KIRREL3: variants seen among roughly 807,000 people sequenced by gnomAD.
KIRREL3 encodes the protein kin of IRRE-like protein 3.
In KIRREL3, 36 loss-of-function variants were observed where a neutral mutation model predicts 89.7. That is an observed-to-expected ratio of 0.40 (90% CI 0.31 to 0.53). The LOEUF is 0.53. Ranked by LOEUF, KIRREL3 falls within the 20% of genes least tolerant of loss-of-function variation. The probability of loss-of-function intolerance (pLI) is 0.49; values close to 1 mark genes in which losing one functional copy is unlikely to be tolerated. For missense variants in KIRREL3, 864 were observed against 1,056.6 expected (o/e 0.82, Z 2.53); for synonymous variants, 445 against 441.4 (o/e 1.01, Z -0.10).
chr11:126,838,458 A>C (rs918601616), intron 1 of KIRREL3, among the ~76,000 whole-genome samples: 6 of 152,214 alleles, frequency 3.9e-5, no homozygotes, highest in Non-Finnish European at 8.8e-5. Context: ...TTGAAATTAA[A>C]TTTTGCCAAC....
Position 126,569,705 on chromosome 11 carries a change from G to C in KIRREL3, c.56-6793C>G, listed in dbSNP as rs995528438. 5.3e-5 allele frequency among the ~76,000 whole-genome samples: 8 copies of C among 152,220 alleles called. No homozygotes were observed. Among genetic ancestry groups the C allele is most frequent in the Admixed American group, 3.3e-4 (5 of 15,288 alleles). ...TTCTTACTGCAGGAGTCCCCAGGAG[G>C]AAAAGACAGCTTCAGGCTGTGGGAT... On this transcript the variant is annotated intron_variant, in intron 1 of 16. Transcript: ENST00000525144. The surrounding 1 kb of genome is among the most constrained non-coding windows in gnomAD (Gnocchi z 6.5).
rs965542975 is a variant in KIRREL3, at chr11:126,709,214, A to C, written c.56-146302T>G. 6.6e-6 allele frequency among the ~76,000 whole-genome samples: 1 copy of C among 152,248 alleles called. No individual in the cohort carries two copies. The highest frequency in any genetic ancestry group is 1.5e-5 in the Non-Finnish European group (1 of 68,036). On this transcript the variant is annotated intron_variant, in intron 1 of 16. Coordinates refer to ENST00000525144, the MANE Select transcript of KIRREL3 (RefSeq NM_032531.4). This position sits in a 1 kb window ranked among gnomAD's most constrained non-coding sequence, Gnocchi z 4.0. ...AAAAAGGTCAAGAAATTATTAGATC[A>C]ATTTCAAGTCCTCTTCCTGGCATTC...
At chr11:126,581,803 G>A (rs1421940981) in intron 1 of KIRREL3, among the ~76,000 whole-genome samples, 1 of 152,164 alleles carries the variant, frequency 6.6e-6, no homozygotes, top group Non-Finnish European at 1.5e-5. Flanking sequence ...ACCAGAGTAG[G>A]AGGAGAAGCA....
rs1947593142 is a variant in KIRREL3 at position 126,924,147 on chromosome 11, G to GCCCA, written c.55+76304_55+76307dup. On this transcript the variant is annotated intron_variant, in intron 1 of 16. Transcript: ENST00000525144. The surrounding 1 kb of genome is among the most constrained non-coding windows in gnomAD (Gnocchi z 4.7). ...ATAAGCAGTGGTCTTATGGCTGGTAGCCCAGGCAGCTCTTGATCCTGTCCC... is the reference window on the plus strand; with the variant it reads ...ATAAGCAGTGGTCTTATGGCTGGTAGCCCACCCAGGCAGCTCTTGATCCTGTCCC... Among the ~76,000 whole-genome samples the GCCCA allele has an allele frequency of 6.6e-6, 1 of 152,146 alleles. No individual in the cohort carries two copies. The highest frequency in any genetic ancestry group is 6.5e-5 in the Admixed American group (1 of 15,290).
chr11:126,657,879 A>C (rs1251564969), intron 1 of KIRREL3, among the ~76,000 whole-genome samples: 1 of 152,158 alleles, frequency 6.6e-6, no homozygotes, highest in South Asian at 2.1e-4. Context: ...TATCTACCGG[A>C]AGAGACAAGA....
At chr11:126,436,708 G>T in intron 12 of KIRREL3, 103 bp downstream of exon 12, 4 of 1,237,718 alleles carry the variant, frequency 3.2e-6, no homozygotes, top group Non-Finnish European at 4.6e-6. Flanking sequence ...GCTTGTCCTT[G>T]GGCCCTGGCC....
chr11:126,440,129 GAGA>G (rs760244592), intron 11 of KIRREL3: 16 of 566,662 alleles, frequency 2.8e-5, no homozygotes, highest in African/African-American at 7.5e-5. Flanking sequence ...AGCCCAGGAA[GAGA>G]AGAAGTCACT....
intron 11 of KIRREL3, 74 bp downstream of exon 11, chr11:126,440,375 G>A (rs766538000): frequency 1.0e-5 from 14 of 1,344,180 alleles, no homozygotes; most frequent in South Asian, 3.7e-5. Flanking sequence ...CGCCTGGCTG[G>A]CCACCCAGGT....
At chr11:126,899,791 G>T (rs1176307707) in intron 1 of KIRREL3, among the ~76,000 whole-genome samples, 1 of 152,210 alleles carries the variant, frequency 6.6e-6, no homozygotes, top group Non-Finnish European at 1.5e-5. Context: ...TGTAACAACT[G>T]GGTACACCAT....
At chr11:126,982,311 C>A (rs71477950) in intron 1 of KIRREL3, among the ~76,000 whole-genome samples, 1,748 of 152,308 alleles carry the variant, frequency 0.011, 30 homozygotes, top group Non-Finnish European at 0.014. Flanking sequence ...GACTCAGAGA[C>A]CCATCTGTAG....
At chr11:126,859,043 CT>C (rs1020492655) in intron 1 of KIRREL3, among the ~76,000 whole-genome samples, 1 of 152,156 alleles carries the variant, frequency 6.6e-6, no homozygotes, top group African/African-American at 2.4e-5. Context: ...ACTTCATGTG[CT>C]GCTGAGGCAC....
rs975807195 is a variant in KIRREL3 at position 126,551,913 on chromosome 11, T to C, written c.133+10922A>G. ...CACCCGCCTTGGCCTCCCAAAGTGC[T>C]GGGATTACAGGCGTGAGCCACTGTG... is the stretch of plus-strand genomic sequence containing the variant. On this transcript the variant is annotated intron_variant, in intron 2 of 16. Coordinates refer to ENST00000525144, the MANE Select transcript of KIRREL3 (RefSeq NM_032531.4). This position sits in a 1 kb window ranked among gnomAD's most constrained non-coding sequence, Gnocchi z 4.9. Among the ~76,000 whole-genome samples, 1 of 152,238 alleles carries C rather than the reference T, an allele frequency of 6.6e-6. No individual in the cohort carries two copies. Among genetic ancestry groups the C allele is most frequent in the Non-Finnish European group, 1.5e-5 (1 of 68,038 alleles).
At chr11:126,809,138 G>C (rs1267556836) in intron 1 of KIRREL3, among the ~76,000 whole-genome samples, 1 of 152,174 alleles carries the variant, frequency 6.6e-6, no homozygotes, top group South Asian at 2.1e-4. Context: ...CAACATGGAG[G>C]CTTTGGCTTC....
At chr11:126,722,346 AT>A in intron 1 of KIRREL3, among the ~76,000 whole-genome samples, 1 of 152,106 alleles carries the variant, frequency 6.6e-6, no homozygotes, top group Middle Eastern at 3.4e-3. Context: ...CCTTTTGGGG[AT>A]TTTTTTCCCT....
intron 1 of KIRREL3, among the ~76,000 whole-genome samples, chr11:126,973,985 G>A (rs1056405616): frequency 7.9e-5 from 12 of 152,094 alleles, no homozygotes; most frequent in Non-Finnish European, 1.2e-4. Flanking sequence ...GCAAGACTAG[G>A]GCTCATGTTT....
At position 126,692,477 on chromosome 11, in the gene KIRREL3, G is replaced by A. The variant is rs112861706; in HGVS notation, c.56-129565C>T. 5.1e-4 allele frequency among the ~76,000 whole-genome samples: 75 copies of A among 147,764 alleles called. 1 individual carries two copies. The highest frequency in any genetic ancestry group is 1.8e-3 in the African/African-American group (73 of 39,852). On this transcript the variant is annotated intron_variant, in intron 1 of 16. Coordinates refer to ENST00000525144, the MANE Select transcript of KIRREL3 (RefSeq NM_032531.4). ...GGAGGATCACTTGAACCCATGAGGC[G>A]GAGGTTGCAGTGAGCTAAGACTGCA...
chr11:126,427,510 T>C lies in KIRREL3; in HGVS notation c.1806+1669A>G, dbSNP rs147274591. 6.6e-6 allele frequency among the ~76,000 whole-genome samples: 1 copy of C among 152,218 alleles called. No individual in the cohort carries two copies. The highest frequency in any genetic ancestry group is 2.4e-5 in the African/African-American group (1 of 41,524). ...GAATGTGAGATTCAACAGACAAAATTAGCAGGCAGAGAGAACAGCCGGTGC... is the reference window on the plus strand; with the variant it reads ...GAATGTGAGATTCAACAGACAAAATCAGCAGGCAGAGAGAACAGCCGGTGC... On this transcript the variant is annotated intron_variant, in intron 15 of 16. Coordinates refer to ENST00000525144, the MANE Select transcript of KIRREL3 (RefSeq NM_032531.4). The surrounding 1 kb of genome is among the most constrained non-coding windows in gnomAD (Gnocchi z 5.3).
chr11:126,796,325 A>T lies in KIRREL3; in HGVS notation c.55+204130T>A, dbSNP rs1233683202. On this transcript the variant is annotated intron_variant, in intron 1 of 16. Transcript: ENST00000525144. The surrounding 1 kb of genome is among the most constrained non-coding windows in gnomAD (Gnocchi z 5.1). ...GTGAGTTCCCTGGCTTGCTGATCCCAGACTGGGCTGACCCAGGGCATCAGG... is the reference window on the plus strand; with the variant it reads ...GTGAGTTCCCTGGCTTGCTGATCCCTGACTGGGCTGACCCAGGGCATCAGG... Among the ~76,000 whole-genome samples the T allele has an allele frequency of 6.6e-6, 1 of 152,212 alleles. No homozygotes were observed. The highest frequency in any genetic ancestry group is 1.5e-5 in the Non-Finnish European group (1 of 68,040).
In KIRREL3 at chr11:126,595,280, C is replaced by T. The variant is rs534206372; in HGVS notation, c.56-32368G>A. On this transcript the variant is annotated intron_variant, in intron 1 of 16. Coordinates refer to ENST00000525144, the MANE Select transcript of KIRREL3 (RefSeq NM_032531.4). ...TCTCCAGCCTGGCTCTGGAGAAATG[C>T]AGTCAGCCTCCCCTCCAGCCTGGCT... Among the ~76,000 whole-genome samples, 29 of 152,276 alleles carry T rather than the reference C, an allele frequency of 1.9e-4. No individual in the cohort carries two copies. In the South Asian group the frequency reaches 6.0e-3, roughly 32 times the overall value.
Sources: gnomAD v4.1 joint callset for allele counts (sites outside exome capture counted in the v4.1 genomes callset) on GRCh38, gnomAD v4.1.1 for gene constraint, Gnocchi (gnomAD v3.1) non-coding constraint, MANE v1.5 for transcripts, NCBI Gene and HGNC (gene_info 2026-07-23, HGNC 2026-07-21) for gene names.